FAM168A: variants seen among roughly 807,000 people sequenced by gnomAD.
FAM168A encodes protein FAM168A.
In FAM168A, 3 loss-of-function variants were observed where a neutral mutation model predicts 28.5. The ratio of observed to expected loss-of-function variants is 0.11; its 90% CI spans 0.05 to 0.27. The LOEUF (loss-of-function observed/expected upper bound fraction) is 0.27. Among genes scored for constraint, FAM168A ranks in the 10% least tolerant of loss-of-function variants. The pLI, the probability that FAM168A is intolerant of heterozygous loss-of-function variation, is 1.00. For missense variants in FAM168A, 222 were observed against 311.5 expected (o/e 0.71, Z 2.16); for synonymous variants, 122 against 124.2 (o/e 0.98, Z 0.12).
intron 2 of FAM168A, among the ~76,000 whole-genome samples, chr11:73,450,471 A>G (rs1867406621): frequency 6.6e-6 from 1 of 152,210 alleles, no homozygotes; most frequent in South Asian, 2.1e-4. Flanking sequence ...TTGTAGGCCC[A>G]GGGGTTACAT....
chr11:73,486,354 C>T (rs908513991), intron 1 of FAM168A, among the ~76,000 whole-genome samples: 10 of 152,170 alleles, frequency 6.6e-5, no homozygotes, highest in Admixed American at 6.5e-4. Flanking sequence ...CCATTAAACA[C>T]TAACTCCCCA....
chr11:73,454,987 G>A (rs1867502633), intron 2 of FAM168A, among the ~76,000 whole-genome samples: 1 of 152,210 alleles, frequency 6.6e-6, no homozygotes, highest in African/African-American at 2.4e-5. Context: ...CTGGCACACT[G>A]GCCCTTTGCA....
chr11:73,554,543 T>C (rs934647402), intron 1 of FAM168A, among the ~76,000 whole-genome samples: 1 of 152,236 alleles, frequency 6.6e-6, no homozygotes. Context: ...CGATATTATT[T>C]GCCAAGTTTT....
intron 2 of FAM168A, among the ~76,000 whole-genome samples, chr11:73,448,213 A>G (rs1385740530): frequency 1.3e-5 from 2 of 151,562 alleles, no homozygotes; most frequent in African/African-American, 4.9e-5. Context: ...ACGCCCAGCT[A>G]ATTTTTGTAT....
chr11:73,440,578 C>T (rs1867175855), intron 2 of FAM168A, among the ~76,000 whole-genome samples: 1 of 151,916 alleles, frequency 6.6e-6, no homozygotes. Flanking sequence ...TGCAGTGAGC[C>T]GTGACTGCAC....
intron 1 of FAM168A, among the ~76,000 whole-genome samples, chr11:73,581,132 C>T (rs1288143888): frequency 6.6e-6 from 1 of 152,232 alleles, no homozygotes; most frequent in Non-Finnish European, 1.5e-5. Context: ...TCAACCCTCA[C>T]TCTAAACTTT....
chr11:73,506,722 A>C (rs1350945413), intron 1 of FAM168A, among the ~76,000 whole-genome samples: 1 of 152,192 alleles, frequency 6.6e-6, no homozygotes, highest in Non-Finnish European at 1.5e-5. Context: ...AACACATTTA[A>C]TATACTATAT....
At chr11:73,453,489 C>T (rs1867469998) in intron 2 of FAM168A, among the ~76,000 whole-genome samples, 1 of 152,168 alleles carries the variant, frequency 6.6e-6, no homozygotes, top group Admixed American at 6.5e-5. Context: ...AGCCCGCAAG[C>T]AGTTAACCCT....
At chr11:73,587,654 T>C (rs760047050) in intron 1 of FAM168A, among the ~76,000 whole-genome samples, 1 of 152,120 alleles carries the variant, frequency 6.6e-6, no homozygotes, top group African/African-American at 2.4e-5. Flanking sequence ...CAAAACTCCA[T>C]CTCAAAAAAA....
intron 1 of FAM168A, among the ~76,000 whole-genome samples, chr11:73,531,548 A>AT (rs1324061409): frequency 6.6e-6 from 1 of 152,186 alleles, no homozygotes; most frequent in East Asian, 1.9e-4. Context: ...CATGAGTAAG[A>AT]ATATACCTAT....
intron 1 of FAM168A, among the ~76,000 whole-genome samples, chr11:73,474,328 G>A: frequency 7.2e-6 from 1 of 139,744 alleles, no homozygotes; most frequent in South Asian, 2.1e-4. Context: ...TTAAAAAAAT[G>A]ATTTTTTTTT....
chr11:73,534,240 CAGAT>C (rs928635330), intron 1 of FAM168A, among the ~76,000 whole-genome samples: 1 of 151,996 alleles, frequency 6.6e-6, no homozygotes, highest in Non-Finnish European at 1.5e-5. Context: ...AGCTAGAAAG[CAGAT>C]GGATGAGCAG....
intron 1 of FAM168A, among the ~76,000 whole-genome samples, chr11:73,587,915 A>C (rs1056906075): frequency 6.6e-6 from 1 of 151,982 alleles, no homozygotes; most frequent in Non-Finnish European, 1.5e-5. Context: ...ACGCCCAGCA[A>C]ATTTTTGTAT....
At chr11:73,552,173 T>C (rs1394047963) in intron 1 of FAM168A, among the ~76,000 whole-genome samples, 2 of 152,212 alleles carry the variant, frequency 1.3e-5, no homozygotes, top group African/African-American at 2.4e-5. Flanking sequence ...GGACTAAAAC[T>C]GGGTTCAATT....
intron 1 of FAM168A, among the ~76,000 whole-genome samples, chr11:73,571,345 G>A (rs1231757628): frequency 1.4e-5 from 2 of 147,776 alleles, no homozygotes; most frequent in Admixed American, 7.0e-5. Flanking sequence ...CAACCTCCCT[G>A]CCTGATTCCC....
At position 73,431,045 on chromosome 11, in the gene FAM168A, G is replaced by GA. The variant is rs952506635; in HGVS notation, c.71-276dup. ...TATTCTATATGCTCACTATTAAAAA[G>GA]AAAAAAAAAAGTAAGTGGCCAGGCA... On this transcript the variant is annotated intron_variant, in intron 2 of 7. Transcript: ENST00000356467. Among the ~76,000 whole-genome samples the GA allele has an allele frequency of 1.4e-4, 20 of 148,128 alleles. No individual in the cohort carries two copies. The East Asian group carries it at 3.1e-3, about 23-fold the overall frequency.
At chr11:73,520,339 C>T (rs1048631552) in intron 1 of FAM168A, among the ~76,000 whole-genome samples, 165 of 152,178 alleles carry the variant, frequency 1.1e-3, no homozygotes, top group African/African-American at 1.3e-3. Flanking sequence ...TGAGCCACCG[C>T]GCCTGGCCTA....
At position 73,497,903 on chromosome 11, in the gene FAM168A, AAAAT is replaced by A. The variant is rs1257578648; in HGVS notation, c.-18-29415_-18-29412del. On this transcript the variant is annotated intron_variant, in intron 1 of 7. Transcript: ENST00000356467. ...GTACCCTAGAACTTAAAGCATAATAAAAATAAATAAAACTCAAAACAACTCCATT... is the reference window on the plus strand; with the variant it reads ...GTACCCTAGAACTTAAAGCATAATAAAAATAAAACTCAAAACAACTCCATT... Among the ~76,000 whole-genome samples, 61 of 152,342 alleles carry A rather than the reference AAAAT, an allele frequency of 4.0e-4. 1 individual carries two copies. The highest frequency in any genetic ancestry group is 1.4e-3 in the African/African-American group (60 of 41,576).
intron 1 of FAM168A, among the ~76,000 whole-genome samples, chr11:73,477,893 A>G (rs889395205): frequency 6.6e-6 from 1 of 152,050 alleles, no homozygotes; most frequent in African/African-American, 2.4e-5. Context: ...CCACACACAA[A>G]AATAAAGAGC....
Sources: gnomAD v4.1 joint callset for allele counts (sites outside exome capture counted in the v4.1 genomes callset) on GRCh38, gnomAD v4.1.1 for gene constraint, MANE v1.5 for transcripts, NCBI Gene and HGNC (gene_info 2026-07-23, HGNC 2026-07-21) for gene names.